Variants in PAPPA observed in about 807,000 individuals in gnomAD.
PAPPA encodes pappalysin 1.
A neutral mutation model predicts 164.0 loss-of-function variants in PAPPA; 60 were observed. The observed-to-expected ratio is 0.37, with a 90% CI of 0.30 to 0.45. PAPPA has a LOEUF of 0.45. Among genes scored for constraint, PAPPA ranks in the 20% least tolerant of loss-of-function variants. The pLI is 1.00. For missense variants in PAPPA, 1,782 were observed against 2,087.3 expected (o/e 0.85, Z 2.85); for synonymous variants, 875 against 814.1 (o/e 1.07, Z -1.27).
At chr9:116,163,256 T>A (rs1245220968) in intron 1 of PAPPA, among the ~76,000 whole-genome samples, 4 of 152,070 alleles carry the variant, frequency 2.6e-5, no homozygotes, top group Non-Finnish European at 5.9e-5. Flanking sequence ...AAAGAAAAAG[T>A]TGAGAAGGAA....
At chr9:116,288,185 A>G (rs1050330331) in intron 9 of PAPPA, among the ~76,000 whole-genome samples, 2 of 152,168 alleles carry the variant, frequency 1.3e-5, no homozygotes, top group African/African-American at 4.8e-5. Flanking sequence ...CCTGACAAAC[A>G]TGGTGAAACC....
chr9:116,264,453 C>G (rs899156010), intron 7 of PAPPA, among the ~76,000 whole-genome samples: 5 of 152,164 alleles, frequency 3.3e-5, no homozygotes, highest in African/African-American at 9.7e-5. Flanking sequence ...GTAATACATC[C>G]AACATTCTCA....
At chr9:116,297,005 C>A (rs1845517509) in intron 9 of PAPPA, among the ~76,000 whole-genome samples, 1 of 152,082 alleles carries the variant, frequency 6.6e-6, no homozygotes, top group Non-Finnish European at 1.5e-5. Context: ...CAGGCATACA[C>A]CACCATGCCT....
intron 4 of PAPPA, among the ~76,000 whole-genome samples, chr9:116,213,486 C>A (rs1169639362): frequency 2.6e-5 from 4 of 152,320 alleles, no homozygotes; most frequent in South Asian, 2.1e-4. Flanking sequence ...CCCAGCCAAG[C>A]TGACATCCCA....
At chr9:116,262,440 A>G (rs1010326332) in intron 7 of PAPPA, among the ~76,000 whole-genome samples, 1 of 152,234 alleles carries the variant, frequency 6.6e-6, no homozygotes, top group African/African-American at 2.4e-5. Context: ...CTAAAATTTT[A>G]GTTCCAAAGA....
chr9:116,302,748 C>A lies in PAPPA; in HGVS notation c.2954-9C>A. ...TTATTCTCTCCCTTTCTATGTCAATCTTTTGCAGATGAACCCAGCCGGTGC... is the reference window on the plus strand; with the variant it reads ...TTATTCTCTCCCTTTCTATGTCAATATTTTGCAGATGAACCCAGCCGGTGC... On this transcript the variant is annotated splice_polypyrimidine_tract_variant and intron_variant, in intron 9 of 21. Transcript: ENST00000328252. 2 of 1,604,228 alleles carry A rather than the reference C, an allele frequency of 1.2e-6. No homozygotes were observed. The highest frequency in any genetic ancestry group is 2.2e-5 in the East Asian group (1 of 44,654).
At position 116,398,639 on chromosome 9, in the gene PAPPA, G is replaced by A. The variant is rs117988173; in HGVS notation, c.*2023G>A. On this transcript the variant is annotated 3_prime_UTR_variant, in exon 22 of 22. Coordinates refer to ENST00000328252, the MANE Select transcript of PAPPA (RefSeq NM_002581.5). ...AACATATCAAGGTGCTTTTGGCACAGGTGCCCACAAATACGGATGCAGTGC... is the reference window on the plus strand; with the variant it reads ...AACATATCAAGGTGCTTTTGGCACAAGTGCCCACAAATACGGATGCAGTGC... 5.1e-3 allele frequency: 3,889 copies of A among 764,638 alleles called. 16 individuals are homozygous for A. The highest frequency in any genetic ancestry group is 7.0e-3 in the Non-Finnish European group (3,566 of 508,932). 47.4% of individuals were successfully genotyped at this position (764,638 alleles called of 1,614,324 possible).
chr9:116,160,829 G>T (rs1843657329), intron 1 of PAPPA, among the ~76,000 whole-genome samples: 1 of 152,226 alleles, frequency 6.6e-6, no homozygotes, highest in Non-Finnish European at 1.5e-5. Flanking sequence ...CAGCAGCTGA[G>T]AACCGACTTG....
chr9:116,164,138 C>CTTA (rs893339686), intron 1 of PAPPA, among the ~76,000 whole-genome samples: 2 of 152,164 alleles, frequency 1.3e-5, no homozygotes, highest in African/African-American at 4.8e-5. Flanking sequence ...TGTAGTATTG[C>CTTA]TTATCATTTT....
In PAPPA at chr9:116,211,868, A is replaced by G; in HGVS notation, c.1854A>G (p.Gly618=). The change falls in exon 4 of 22, where the codon GGA becomes GGG. Residue 618 remains glycine (G), a synonymous_variant. Coordinates refer to ENST00000328252, the MANE Select transcript of PAPPA (RefSeq NM_002581.5). ...KHKSCGDPGP[G]NDTCGFHSFF... ...AGTCCTGTGGTGACCCAGGGCCAGG[A>G]AATGACACCTGTGGCTTTCATAGCT... 1.2e-6 allele frequency: 2 copies of G among 1,614,142 alleles called. No homozygotes were observed. Among genetic ancestry groups the G allele is most frequent in the South Asian group, 1.1e-5 (1 of 91,082 alleles).
chr9:116,363,890 T>G (rs1846463801), intron 18 of PAPPA, among the ~76,000 whole-genome samples: 1 of 152,114 alleles, frequency 6.6e-6, no homozygotes, highest in African/African-American at 2.4e-5. Context: ...TAACTTACAG[T>G]GGGAATCAGC....
At chr9:116,189,897 T>A (rs1844021810) in intron 2 of PAPPA, among the ~76,000 whole-genome samples, 1 of 152,208 alleles carries the variant, frequency 6.6e-6, no homozygotes, top group African/African-American at 2.4e-5. Flanking sequence ...ATGCCCTGCC[T>A]GGCAGCAAGT....
intron 3 of PAPPA, among the ~76,000 whole-genome samples, chr9:116,210,559 T>A (rs893476192): frequency 1.3e-5 from 2 of 152,180 alleles, no homozygotes; most frequent in African/African-American, 4.8e-5. Context: ...TTTTAAAATT[T>A]TAAAGTTTAA....
chr9:116,231,766 C>CTTTCTTTTTTTT (rs752926276), intron 6 of PAPPA, among the ~76,000 whole-genome samples: 2 of 57,524 alleles, frequency 3.5e-5, no homozygotes, highest in Non-Finnish European at 6.2e-5. Flanking sequence ...TTTTCTTTTT[C>CTTTCTTTTTTTT]TTTTTTTTTT....
Position 116,278,634 on chromosome 9 carries a change from CCATTGA to C in PAPPA, c.2953+7221_2953+7226del, listed in dbSNP as rs112128256. Among the ~76,000 whole-genome samples, 916 of 151,308 alleles carry C rather than the reference CCATTGA, an allele frequency of 6.1e-3. 13 individuals are homozygous for C. Among genetic ancestry groups the C allele is most frequent in the African/African-American group, 0.021 (875 of 40,834 alleles). Reference sequence around the variant, plus strand: ...ATTTTCATTTTTAACAGATCACCCTCCATTGACAGTAGCCAAATCGTTTTTTTTTTA... The same window carrying C: ...ATTTTCATTTTTAACAGATCACCCTCCAGTAGCCAAATCGTTTTTTTTTTA... On this transcript the variant is annotated intron_variant, in intron 9 of 21. Coordinates refer to ENST00000328252, the MANE Select transcript of PAPPA (RefSeq NM_002581.5).
intron 9 of PAPPA, among the ~76,000 whole-genome samples, chr9:116,285,211 C>G (rs1845322751): frequency 1.9e-5 from 1 of 52,974 alleles, no homozygotes. Flanking sequence ...CACTTTGTTG[C>G]CAGGCCAGAG....
chr9:116,361,455 T>C (rs1291153772), intron 17 of PAPPA, among the ~76,000 whole-genome samples: 1 of 152,190 alleles, frequency 6.6e-6, no homozygotes, highest in African/African-American at 2.4e-5. Flanking sequence ...CTTCATGCCT[T>C]GAGTCATAGA....
chr9:116,272,970 A>AT (rs1845155016), intron 9 of PAPPA, among the ~76,000 whole-genome samples: 2 of 152,174 alleles, frequency 1.3e-5, no homozygotes, highest in East Asian at 1.9e-4. Context: ...CTGTTGTGTG[A>AT]TTTTTTGAGG....
At chr9:116,324,711 C>A (rs767257180) in intron 10 of PAPPA, among the ~76,000 whole-genome samples, 3 of 152,032 alleles carry the variant, frequency 2.0e-5, no homozygotes, top group African/African-American at 7.2e-5. Context: ...CTTTGAAATG[C>A]GTGTAGTATT....
Sources: gnomAD v4.1 joint callset for allele counts (sites outside exome capture counted in the v4.1 genomes callset) on GRCh38, gnomAD v4.1.1 for gene constraint, MANE v1.5 for transcripts, NCBI Gene and HGNC (gene_info 2026-07-23, HGNC 2026-07-21) for gene names.